GRK5: variants seen among roughly 807,000 people sequenced by gnomAD.
The protein encoded by GRK5 is G protein-coupled receptor kinase 5.
A neutral mutation model predicts 78.4 loss-of-function variants in GRK5; 40 were observed. The observed-to-expected ratio is 0.51, with a 90% CI of 0.40 to 0.66. The LOEUF (loss-of-function observed/expected upper bound fraction) is 0.66. GRK5 is among the 30% of genes least tolerant of loss of function. The pLI is 0.00. For synonymous variants in GRK5, 289 were observed against 296.8 expected, an observed-to-expected ratio of 0.97 and a Z score of 0.27; for missense variants, 598 against 759.9, an observed-to-expected ratio of 0.79 and a Z score of 2.50.
At chr10:119,388,125 T>C (rs1646761789) in intron 3 of GRK5, among the ~76,000 whole-genome samples, 1 of 140,370 alleles carries the variant, frequency 7.1e-6, no homozygotes, top group Admixed American at 7.0e-5. Flanking sequence ...GCTAATTAAA[T>C]TTTTTTTTTT....
rs149748813 is a variant in GRK5, at chr10:119,279,260, T to C, written c.53-47256T>C. 2.2e-4 allele frequency among the ~76,000 whole-genome samples: 33 copies of C among 152,282 alleles called. No individual in the cohort carries two copies. The East Asian group carries it at 4.2e-3, about 20-fold the overall frequency. ...ATGGCCTCATTTTTGCATGATCTCC[T>C]CTTTAAAGGCCTTATCCTCAAATTT... is the stretch of plus-strand genomic sequence containing the variant. On this transcript the variant is annotated intron_variant, in intron 1 of 15. Transcript: ENST00000392870.
chr10:119,362,398 A>G (rs1408666911), intron 2 of GRK5, among the ~76,000 whole-genome samples: 2 of 152,222 alleles, frequency 1.3e-5, no homozygotes, highest in Admixed American at 6.5e-5. Context: ...CAACTCTTCC[A>G]TCTTGGGAAA....
chr10:119,420,716 C>G (rs1852555158), intron 4 of GRK5, among the ~76,000 whole-genome samples: 1 of 152,030 alleles, frequency 6.6e-6, no homozygotes. Context: ...GTAGCCGAGA[C>G]TACAGGCAAG....
intron 1 of GRK5, among the ~76,000 whole-genome samples, chr10:119,220,570 C>T (rs1367930325): frequency 1.3e-5 from 2 of 152,190 alleles, no homozygotes; most frequent in African/African-American, 4.8e-5. Context: ...CATGGTGGCT[C>T]ATGCCTGTAA....
chr10:119,318,529 G>T (rs1850530090), intron 1 of GRK5, among the ~76,000 whole-genome samples: 1 of 152,180 alleles, frequency 6.6e-6, no homozygotes, highest in Non-Finnish European at 1.5e-5. Context: ...AGTATTGCGG[G>T]CTTTGTCAGT....
intron 1 of GRK5, among the ~76,000 whole-genome samples, chr10:119,311,787 CAA>C (rs532805848): frequency 1.3e-4 from 18 of 136,492 alleles, no homozygotes; most frequent in African/African-American, 4.5e-4. Context: ...AGACTGTCTC[CAA>C]AAAAAAAAAA....
intron 1 of GRK5, among the ~76,000 whole-genome samples, chr10:119,222,448 C>G (rs1254967794): frequency 6.6e-6 from 1 of 152,046 alleles, no homozygotes; most frequent in Non-Finnish European, 1.5e-5. Flanking sequence ...GCACAGTATC[C>G]TCCTCTGTGG....
At chr10:119,255,363 C>G (rs1849264843) in intron 1 of GRK5, among the ~76,000 whole-genome samples, 1 of 151,946 alleles carries the variant, frequency 6.6e-6, no homozygotes, top group Admixed American at 6.5e-5. Flanking sequence ...GAAGCTGACA[C>G]ACAGGACACC....
intron 1 of GRK5, among the ~76,000 whole-genome samples, chr10:119,294,658 G>A (rs573517383): frequency 2.0e-4 from 30 of 152,296 alleles, no homozygotes; most frequent in Admixed American, 5.2e-4. Flanking sequence ...AGGGAGGCAG[G>A]GGGAGACATA....
intron 4 of GRK5, among the ~76,000 whole-genome samples, chr10:119,402,216 C>T (rs1287444952): frequency 6.6e-6 from 1 of 152,202 alleles, no homozygotes; most frequent in Admixed American, 6.5e-5. Context: ...TCCCATCCCT[C>T]GAGCCCCAGG....
chr10:119,391,071 AATCT>A (rs1427272517), intron 3 of GRK5, among the ~76,000 whole-genome samples: 2 of 152,200 alleles, frequency 1.3e-5, no homozygotes, highest in African/African-American at 4.8e-5. Context: ...TACCTCAGGA[AATCT>A]GGAGTTGCTC....
intron 1 of GRK5, among the ~76,000 whole-genome samples, chr10:119,321,862 G>C (rs972667895): frequency 2.6e-5 from 4 of 151,988 alleles, no homozygotes; most frequent in Non-Finnish European, 5.9e-5. Context: ...CTTTCCCACC[G>C]CCTCCAACCC....
chr10:119,344,263 T>C (rs1409733264), intron 2 of GRK5, among the ~76,000 whole-genome samples: 1 of 152,114 alleles, frequency 6.6e-6, no homozygotes, highest in Non-Finnish European at 1.5e-5. Flanking sequence ...ATGTGCCATG[T>C]TGGTGTGCTG....
intron 2 of GRK5, among the ~76,000 whole-genome samples, chr10:119,359,204 T>C (rs1291421349): frequency 6.6e-6 from 1 of 152,084 alleles, no homozygotes; most frequent in African/African-American, 2.4e-5. Flanking sequence ...GGGGTGGGGC[T>C]GGGGCAATCC....
At chr10:119,310,230 A>G (rs1463767622) in intron 1 of GRK5, among the ~76,000 whole-genome samples, 4 of 152,226 alleles carry the variant, frequency 2.6e-5, no homozygotes, top group African/African-American at 4.8e-5. Flanking sequence ...TGAGTATCCT[A>G]TGAAAAATTG....
At chr10:119,229,431 C>T (rs1015493097) in intron 1 of GRK5, among the ~76,000 whole-genome samples, 2 of 152,122 alleles carry the variant, frequency 1.3e-5, no homozygotes, top group African/African-American at 4.8e-5. Flanking sequence ...GGGATGTGCC[C>T]AGTAGAGGCT....
intron 12 of GRK5, 122 bp downstream of exon 12, chr10:119,443,874 G>A: frequency 2.4e-6 from 2 of 833,294 alleles, no homozygotes; most frequent in East Asian, 2.7e-5. Flanking sequence ...ATGGGGGTGG[G>A]GGTTGCAGCC....
At chr10:119,425,557 G>A (rs1013253741) in intron 6 of GRK5, among the ~76,000 whole-genome samples, 1 of 152,124 alleles carries the variant, frequency 6.6e-6, no homozygotes, top group African/African-American at 2.4e-5. Context: ...AGGAATTTCT[G>A]GGTCAGAAGG....
At chr10:119,358,000 C>G (rs2133805943) in intron 2 of GRK5, among the ~76,000 whole-genome samples, 1 of 152,252 alleles carries the variant, frequency 6.6e-6, no homozygotes, top group South Asian at 2.1e-4. Flanking sequence ...TCAATCACAC[C>G]CAAAGGGGAG....
Sources: gnomAD v4.1 joint callset for allele counts (sites outside exome capture counted in the v4.1 genomes callset) on GRCh38, gnomAD v4.1.1 for gene constraint, MANE v1.5 for transcripts, NCBI Gene and HGNC (gene_info 2026-07-23, HGNC 2026-07-21) for gene names.